Variants in SCRIB observed in about 807,000 individuals in gnomAD.
SCRIB encodes scribble planar cell polarity protein, also known as protein scribble homolog.
SCRIB carries 72 observed loss-of-function variants against 170.0 expected under a neutral mutation model. That is an observed-to-expected ratio of 0.42 (90% confidence interval 0.35 to 0.52). SCRIB has a LOEUF of 0.52. Among genes scored for constraint, SCRIB ranks in the 20% least tolerant of loss-of-function variants. SCRIB has a pLI of 0.02. For missense variants in SCRIB, 2,475 were observed against 2,338.5 expected (o/e 1.06, Z -1.20); for synonymous variants, 1,298 against 1,044.3 (o/e 1.24, Z -4.68).
chr8:143,803,920 G>T lies in SCRIB; in HGVS notation c.3141C>A (p.Ala1047=). The T allele has an allele frequency of 6.3e-7, 1 of 1,587,854 alleles. No homozygotes were observed. Among genetic ancestry groups the T allele is most frequent in the Non-Finnish European group, 8.6e-7 (1 of 1,166,326 alleles). ...FISKVLPRGL[A]ARSGLRVGDR... is the part of the protein sequence containing the mutation. The stretch of plus-strand genomic sequence containing the variant: ...CCCCAACCCGCAGGCCGCTGCGAGC[G>T]GCCAGGCCCCGCGGGAGCACCTGTC... The change falls in exon 23 of 37, where the codon GCC becomes GCA. Residue 1047 remains alanine, a synonymous_variant. Transcript: ENST00000356994.
Position 143,805,932 on chromosome 8 carries a change from CAAG to C in SCRIB, c.2346+472_2346+474del, listed in dbSNP as rs1258987169. 5.3e-5 allele frequency among the ~76,000 whole-genome samples: 8 copies of C among 152,318 alleles called. No homozygotes were observed. The East Asian group carries it at 1.5e-3, about 29-fold the overall frequency. On this transcript the variant is annotated intron_variant, in intron 18 of 36. Coordinates refer to ENST00000356994, the MANE Select transcript of SCRIB (RefSeq NM_182706.5). ...CTCACCTGCCCTCAGTGTGTCCCTA[CAAG>C]AAGGGCGCATGCCTCTTCAGAGCCC...
At chr8:143,808,541 G>A (rs878935133) in intron 15 of SCRIB, 68 bp downstream of exon 15, 2 of 1,483,918 alleles carry the variant, frequency 1.3e-6, no homozygotes, top group Non-Finnish European at 8.9e-7. Context: ...CCCTGCTCCT[G>A]CCGCAGCCCT....
Position 143,807,563 on chromosome 8 carries a change from C to T in SCRIB, c.2167G>A (p.Glu723Lys). 6.2e-7 allele frequency: 1 copy of T among 1,613,958 alleles called. No individual in the cohort carries two copies. The highest frequency in any genetic ancestry group is 8.5e-7 in the Non-Finnish European group (1 of 1,179,850). Residue 723 changes from glutamate (E) to lysine (K), a missense_variant, in exon 16 of 37, where the codon GAG becomes AAG. Glu to Lys is a moderately conservative substitution (Grantham distance 56). Around this residue, in one of 3 missense-constraint regions of SCRIB, gnomAD observed 1,966 missense variants for 1,742.9 expected, o/e 1.13. Transcript: ENST00000356994. ...NNLLIEPARIEEEELTLTILR... is the reference protein window; with the variant it reads ...NNLLIEPARIKEEELTLTILR... ...CGAGCAGTACAGACCTCTTCCTCCTCAATGCGAGCAGGCTCTATCAGCAGG... is the reference window on the plus strand; with the variant it reads ...CGAGCAGTACAGACCTCTTCCTCCTTAATGCGAGCAGGCTCTATCAGCAGG...
chr8:143,810,665 C>G (rs1815669674), intron 12 of SCRIB, 21 bp downstream of exon 12: 16 of 1,602,864 alleles, frequency 1.0e-5, no homozygotes, highest in Non-Finnish European at 1.4e-5. Context: ...AGGTTCGCCC[C>G]CCAGATCCTC....
rs1554637188 is a variant in SCRIB, at chr8:143,808,606, A to G, written c.2115+3T>C. ...GTCAGGCAGGGGTGAGGCTGACACC[A>G]ACCTTGACAGAGGGCGCAGAAACCA... is the stretch of plus-strand genomic sequence containing the variant. On this transcript the variant is annotated splice_donor_region_variant and intron_variant, in intron 15 of 36. Transcript: ENST00000356994. The G allele has an allele frequency of 6.6e-7, 1 of 1,509,142 alleles. No homozygotes were observed. The highest frequency in any genetic ancestry group is 2.3e-5 in the East Asian group (1 of 43,120). The allele number at this position is 1,509,142 out of a possible 1,614,324, so 93.5% of individuals were successfully genotyped here.
chr8:143,797,502 ATT>A (rs1814991608), intron 24 of SCRIB, among the ~76,000 whole-genome samples: 1 of 152,202 alleles, frequency 6.6e-6, no homozygotes, highest in Admixed American at 6.5e-5. Context: ...GAAACAGCCT[ATT>A]ATATGCTCTC....
In SCRIB at chr8:143,809,596, G is replaced by A. The variant is rs1418168394; in HGVS notation, c.1653C>T (p.Ala551=). 2 of 1,611,536 alleles carry A rather than the reference G, an allele frequency of 1.2e-6. No homozygotes were observed. The highest frequency in any genetic ancestry group is 1.7e-6 in the Non-Finnish European group (2 of 1,179,880). Residue 551 remains alanine, a synonymous_variant, in exon 14 of 37, where the codon GCC becomes GCT. Coordinates refer to ENST00000356994, the MANE Select transcript of SCRIB (RefSeq NM_182706.5). ...CGTCTTCCTCCCCGCCAGCAGTCGT[G>A]GCTTCCTGCTGGCTCCCACCCTGTG... The part of the protein sequence containing the change: ...AEAQGGSQQE[A]TTAGGEEDAE...
Position 143,804,768 on chromosome 8 carries a change from C to T in SCRIB, c.2809G>A (p.Ala937Thr), listed in dbSNP as rs781859787. The T allele has an allele frequency of 6.2e-6, 10 of 1,603,010 alleles. No individual in the cohort carries two copies. The highest frequency in any genetic ancestry group is 1.7e-5 in the Admixed American group (1 of 59,030). The change falls in exon 21 of 37, where the codon GCT becomes ACT. Residue 937 changes from alanine to threonine, a missense_variant. By Grantham distance (58) the Ala-to-Thr change is moderately conservative. Coordinates refer to ENST00000356994, the MANE Select transcript of SCRIB (RefSeq NM_182706.5). ...RHDHAVSLLTAASPTIALLLE... is the reference protein window; with the variant it reads ...RHDHAVSLLTTASPTIALLLE... ...AGCAGGGCGATGGTGGGGGAGGCAG[C>T]GGTCAGCAGGGAGACGGCGTGGTCA...
Position 143,797,622 on chromosome 8 carries a change from C to G in SCRIB, c.3604-2092G>C, listed in dbSNP as rs546098372. On this transcript the variant is annotated intron_variant, in intron 24 of 36. Transcript: ENST00000356994. ...CACCAGTGAGCCCTGGTGGTAGGCA[C>G]ACAGACACGTGGTAGCTCCATGATA... 1.9e-4 allele frequency among the ~76,000 whole-genome samples: 29 copies of G among 152,344 alleles called. 1 individual carries two copies. The South Asian group carries it at 2.9e-3, about 15-fold the overall frequency.
intron 24 of SCRIB, among the ~76,000 whole-genome samples, chr8:143,800,104 A>G (rs1454957322): frequency 7.3e-6 from 1 of 136,228 alleles, no homozygotes; most frequent in Non-Finnish European, 1.5e-5. Context: ...TGGCCGTGCC[A>G]CGTCCTCTGA....
At chr8:143,807,288 G>A (rs1253225771) in intron 16 of SCRIB, among the ~76,000 whole-genome samples, 6 of 152,228 alleles carry the variant, frequency 3.9e-5, no homozygotes, top group Admixed American at 3.9e-4. Context: ...ACCCTCGAGT[G>A]AGGACTGCGC....
intron 24 of SCRIB, among the ~76,000 whole-genome samples, chr8:143,799,749 A>C (rs1173119383): frequency 6.6e-6 from 1 of 152,044 alleles, no homozygotes; most frequent in Non-Finnish European, 1.5e-5. Context: ...ACCCCTAAAA[A>C]TGCACCAGTC....
Position 143,808,931 on chromosome 8 carries a change from C to A in SCRIB, c.1793G>T (p.Gly598Val). 6.2e-7 allele frequency: 1 copy of A among 1,612,162 alleles called. No homozygotes were observed. The highest frequency in any genetic ancestry group is 8.5e-7 in the Non-Finnish European group (1 of 1,179,992). The change falls in exon 15 of 37, where the codon GGG (glycine) becomes GTG (valine). Residue 598 changes from glycine to valine, a missense_variant. Physicochemically the swap from Gly to Val is moderately radical, Grantham distance 109. Around this residue, in one of 3 missense-constraint regions of SCRIB, gnomAD observed 1,966 missense variants for 1,742.9 expected, o/e 1.13. Transcript: ENST00000356994. ...QPEAPWTLPG[G>V]RQRLIRKDTP... is the part of the protein sequence containing the mutation. The stretch of plus-strand genomic sequence containing the variant: ...GTCCTTGCGGATGAGCCGCTGCCTC[C>A]CGCCTGGCAGGGTCCAGGGGGCCTC...
At chr8:143,810,198 C>T (rs983635657) in intron 13 of SCRIB, among the ~76,000 whole-genome samples, 2 of 152,130 alleles carry the variant, frequency 1.3e-5, no homozygotes, top group Admixed American at 1.3e-4. Flanking sequence ...AGAGACCCTA[C>T]CCCACAACCA....
rs544311585 is a variant in SCRIB, at chr8:143,803,267, A to G, written c.3603+116T>C. 3.2e-4 allele frequency: 322 copies of G among 1,002,786 alleles called. 2 individuals are homozygous for G. Among genetic ancestry groups the G allele is most frequent in the Non-Finnish European group, 4.3e-4 (305 of 707,434 alleles). The allele number at this position is 1,002,786 out of a possible 1,614,324, so 62.1% of individuals were successfully genotyped here. A position where few individuals can be genotyped will look rare whatever the true frequency, so the allele number is the denominator to read the frequency against. ...CACGGCTGATGCAGAGCCGCAGAGC[A>G]CCGCCCAGACCCAGAGGCACAGGGG... On this transcript the variant is annotated intron_variant, in intron 24 of 36. Transcript: ENST00000356994.
Position 143,804,966 on chromosome 8 carries a change from CCG to C in SCRIB, c.2717_2718del (p.Ala906GlyfsTer13). 6.3e-7 allele frequency: 1 copy of C among 1,579,294 alleles called. No individual in the cohort carries two copies. Among genetic ancestry groups the C allele is most frequent in the Non-Finnish European group, 8.6e-7 (1 of 1,168,196 alleles). ...ACGCGGTCGCCAACCTGCAGTGTGC[CCG>C]CGCGGTGAGCAGCACCGCCCTCGGC... ...RIAEGGAAHRAGTLQVGDRVL... is the reference protein window; with the variant it reads ...RIAEGGAAHRXGTLQVGDRVL... On this transcript the variant is annotated frameshift_variant, in exon 20 of 37. Transcript: ENST00000356994. LOFTEE classifies it high-confidence loss of function.
chr8:143,795,540 G>A lies in SCRIB; in HGVS notation c.3604-10C>T, dbSNP rs782517755. ...TGACACCTGGGGACACCTGAGAAGA[G>A]GGGTGTGGGCTAAGAAGGGGGGACT... is the stretch of plus-strand genomic sequence containing the variant. On this transcript the variant is annotated splice_polypyrimidine_tract_variant and intron_variant, in intron 24 of 36. Transcript: ENST00000356994. The A allele has an allele frequency of 1.2e-6, 2 of 1,605,826 alleles. No homozygotes were observed. Among genetic ancestry groups the A allele is most frequent in the Non-Finnish European group, 1.7e-6 (2 of 1,175,590 alleles).
intron 1 of SCRIB, 78 bp downstream of exon 1, chr8:143,815,136 G>T (rs1446686537): frequency 8.6e-6 from 12 of 1,403,400 alleles, no homozygotes; most frequent in Middle Eastern, 5.1e-4. Context: ...GCGGTGACTC[G>T]CCCGGGCAGA....
rs770722972 is a variant in SCRIB, at chr8:143,813,380, G to C, written c.504-6C>G. ...TGACCAGAAATGACAGGGACCTGCAGAGGAAGCAGGGTGGAGGTGTGGCCA... is the reference window on the plus strand; with the variant it reads ...TGACCAGAAATGACAGGGACCTGCACAGGAAGCAGGGTGGAGGTGTGGCCA... On this transcript the variant is annotated splice_polypyrimidine_tract_variant and splice_region_variant and intron_variant, in intron 5 of 36. Transcript: ENST00000356994. 1.2e-6 allele frequency: 2 copies of C among 1,613,562 alleles called. No homozygotes were observed. Among genetic ancestry groups the C allele is most frequent in the Non-Finnish European group, 1.7e-6 (2 of 1,180,014 alleles).
Sources: gnomAD v4.1 joint callset for allele counts (sites outside exome capture counted in the v4.1 genomes callset) on GRCh38, gnomAD v4.1.1 for gene constraint, gnomAD v4.1.1 regional missense constraint, MANE v1.5 for transcripts, NCBI Gene and HGNC (gene_info 2026-07-23, HGNC 2026-07-21) for gene names.